The following HS6ST2 variants were observed in gnomAD, a reference collection of about 807,000 sequenced individuals.
HS6ST2 encodes the protein heparan-sulfate 6-O-sulfotransferase 2.
A neutral mutation model predicts 33.0 loss-of-function variants in HS6ST2; 17 were observed. The observed-to-expected ratio is 0.52, with a 90% CI of 0.35 to 0.77. HS6ST2 has a LOEUF of 0.77. HS6ST2 is among the 30% of genes least tolerant of loss of function. HS6ST2 has a pLI of 0.01. For synonymous variants in HS6ST2, 248 were observed against 237.1 expected (o/e 1.05, Z -0.42); for missense variants, 519 against 551.7 (o/e 0.94, Z 0.59).
chrX:132,755,896 G>C (rs2064753199), intron 2 of HS6ST2, among the ~76,000 whole-genome samples: 1 of 111,732 alleles, frequency 8.9e-6, no homozygotes, highest in South Asian at 3.8e-4. Context: ...TTTAGTTTGG[G>C]CCTTGTTGGA....
chrX:132,892,982 C>T (rs1602828337), intron 2 of HS6ST2, among the ~76,000 whole-genome samples: 1 of 112,065 alleles, frequency 8.9e-6, no homozygotes, highest in East Asian at 2.8e-4. Context: ...TAAAATTTGT[C>T]TTATTTTTAT....
chrX:132,937,785 T>A (rs1178795202), intron 2 of HS6ST2, among the ~76,000 whole-genome samples: 1 of 111,520 alleles, frequency 9.0e-6, no homozygotes, highest in Non-Finnish European at 1.9e-5. Flanking sequence ...AAAAAGATTA[T>A]GCACCATGAC....
chrX:132,675,059 GACT>G (rs2063913642), intron 3 of HS6ST2, among the ~76,000 whole-genome samples: 2 of 111,796 alleles, frequency 1.8e-5, no homozygotes, highest in Non-Finnish European at 3.8e-5. Flanking sequence ...CAAGTTGGAT[GACT>G]GAGAACAAAT....
At chrX:132,765,676 C>T (rs1017730055) in intron 2 of HS6ST2, among the ~76,000 whole-genome samples, 14 of 111,167 alleles carry the variant, frequency 1.3e-4, no homozygotes, top group Non-Finnish European at 5.7e-5. Context: ...GTCTTCAACT[C>T]CTGGGCTCAA....
chrX:132,900,162 T>C (rs2066414437), intron 2 of HS6ST2, among the ~76,000 whole-genome samples: 1 of 111,899 alleles, frequency 8.9e-6, no homozygotes, highest in South Asian at 3.7e-4. Context: ...TCATACCAAC[T>C]GCAAGTAATG....
At chrX:132,878,694 A>G (rs945400537) in intron 2 of HS6ST2, among the ~76,000 whole-genome samples, 5 of 112,250 alleles carry the variant, frequency 4.5e-5, no homozygotes, top group Admixed American at 2.8e-4. Context: ...TGCACAAAAT[A>G]TTACTTTTAA....
At chrX:132,796,455 C>T (rs1421740724) in intron 2 of HS6ST2, among the ~76,000 whole-genome samples, 3 of 112,483 alleles carry the variant, frequency 2.7e-5, no homozygotes, top group Non-Finnish European at 5.6e-5. Context: ...AATGACTGTG[C>T]TCTGACTGCA....
At chrX:132,825,327 G>T (rs185210860) in intron 2 of HS6ST2, among the ~76,000 whole-genome samples, 74 of 111,763 alleles carry the variant, frequency 6.6e-4, no homozygotes, top group African/African-American at 2.3e-3. Context: ...ACTTTCAGGG[G>T]CATCATGCTA....
rs753562349 is a variant in HS6ST2, at chrX:132,659,235, C to G, written c.1067+9878G>C. ...ATTTTATAGCATTGCCAGCATTTTC[C>G]AAGCAAAATTTATAGTTCAGTCATC... On this transcript the variant is annotated intron_variant, in intron 4 of 4. Coordinates refer to ENST00000370833, the MANE Select transcript of HS6ST2 (RefSeq NM_001394073.1). Among the ~76,000 whole-genome samples, 10 of 112,270 alleles carry G rather than the reference C, an allele frequency of 8.9e-5. No individual in the cohort carries two copies. In the East Asian group the frequency reaches 2.8e-3, roughly 31 times the overall value.
At chrX:132,839,431 G>A (rs1398377658) in intron 2 of HS6ST2, among the ~76,000 whole-genome samples, 1 of 72,867 alleles carries the variant, frequency 1.4e-5, no homozygotes, top group African/African-American at 6.4e-5. Flanking sequence ...ATTATCTTAT[G>A]TCAAACAACT....
chrX:132,874,295 CG>C (rs2066089686), intron 2 of HS6ST2, among the ~76,000 whole-genome samples: 1 of 112,624 alleles, frequency 8.9e-6, no homozygotes, highest in Admixed American at 9.3e-5. Context: ...AAACACCTTC[CG>C]GCTGGGCATG....
At chrX:132,796,014 A>G (rs1031762494) in intron 2 of HS6ST2, among the ~76,000 whole-genome samples, 3 of 112,190 alleles carry the variant, frequency 2.7e-5, no homozygotes. Context: ...TTGGGATAGT[A>G]TCCTCCACCT....
At chrX:132,874,074 G>A (rs527503895) in intron 2 of HS6ST2, among the ~76,000 whole-genome samples, 2 of 111,169 alleles carry the variant, frequency 1.8e-5, no homozygotes, top group Non-Finnish European at 1.9e-5. Flanking sequence ...GAGGTCTATC[G>A]ATAACCCTGA....
chrX:132,649,626 A>AG (rs2063673806), intron 4 of HS6ST2, among the ~76,000 whole-genome samples: 1 of 112,047 alleles, frequency 8.9e-6, no homozygotes, highest in East Asian at 2.8e-4. Context: ...GAGAGGCTGA[A>AG]GCAGGTGGAT....
intron 2 of HS6ST2, among the ~76,000 whole-genome samples, chrX:132,914,784 T>A (rs2066568434): frequency 8.9e-6 from 1 of 112,397 alleles, no homozygotes; most frequent in Non-Finnish European, 1.9e-5. Flanking sequence ...CCTGCTGAGC[T>A]GGGCTTGCTC....
chrX:132,681,129 G>T (rs766866273), intron 3 of HS6ST2, among the ~76,000 whole-genome samples: 2 of 111,549 alleles, frequency 1.8e-5, no homozygotes, highest in African/African-American at 6.5e-5. Context: ...CCACCAAGGA[G>T]CCTTTGTAAT....
At chrX:132,871,836 G>A (rs1419531261) in intron 2 of HS6ST2, among the ~76,000 whole-genome samples, 2 of 110,195 alleles carry the variant, frequency 1.8e-5, no homozygotes, top group South Asian at 3.9e-4. Context: ...TGTAGATGAC[G>A]GGTTGATAAG....
Position 132,756,820 on chromosome X carries a change from G to GGTGTGTGTGTGTGTGTGT in HS6ST2, c.948-48344_948-48327dup, listed in dbSNP as rs3065679. ...CTTGCTCTCCCATTCCCCTGTGCAT[G>GGTGTGTGTGTGTGTGTGT]GTGTGTGTGTGTGTGTGTGTGTGTG... On this transcript the variant is annotated intron_variant, in intron 2 of 4. Coordinates refer to ENST00000370833, the MANE Select transcript of HS6ST2 (RefSeq NM_001394073.1). 4.7e-4 allele frequency among the ~76,000 whole-genome samples: 46 copies of GGTGTGTGTGTGTGTGTGT among 97,338 alleles called. No individual in the cohort carries two copies. In the East Asian group the frequency reaches 8.8e-3, roughly 19 times the overall value. The allele number at this position is 97,338 out of a possible 115,157, so 84.5% of individuals were successfully genotyped here. A position where few individuals can be genotyped will look rare whatever the true frequency, so the allele number is the denominator to read the frequency against.
intron 2 of HS6ST2, among the ~76,000 whole-genome samples, chrX:132,860,754 T>A (rs2065903431): frequency 9.4e-6 from 1 of 106,712 alleles, no homozygotes; most frequent in South Asian, 4.3e-4. Context: ...TCCCTTCCAG[T>A]CTGGGTCCTT....
Sources: allele counts gnomAD v4.1 joint callset (sites outside exome capture counted in the v4.1 genomes callset), GRCh38; gene constraint gnomAD v4.1.1; transcripts MANE v1.5; gene names NCBI Gene and HGNC (gene_info 2026-07-23, HGNC 2026-07-21).